RERE: variants seen among roughly 807,000 people sequenced by gnomAD.
The protein encoded by RERE is arginine-glutamic acid dipeptide repeats, also known as arginine-glutamic acid dipeptide repeats protein.
In RERE, 40 loss-of-function variants were observed where a neutral mutation model predicts 146.1. The observed-to-expected ratio is 0.27, with a 90% CI of 0.21 to 0.36. The LOEUF (loss-of-function observed/expected upper bound fraction) is 0.36. Among genes scored for constraint, RERE ranks in the 10% least tolerant of loss-of-function variants. The probability of loss-of-function intolerance (pLI) is 1.00; values close to 1 mark genes in which losing one functional copy is unlikely to be tolerated. For synonymous variants in RERE, 1,003 were observed against 866.0 expected (o/e 1.16, Z -2.78); for missense variants, 1,933 against 2,138.7 (o/e 0.90, Z 1.90).
intron 1 of RERE, among the ~76,000 whole-genome samples, chr1:8,781,356 C>CAA (rs55676461): frequency 0.21 from 26,887 of 128,760 alleles, 3,002 homozygotes; most frequent in Non-Finnish European, 0.26. Context: ...GACTCCGTCT[C>CAA]AAAAAAAAAA....
At chr1:8,430,288 C>G (rs1408425500) in intron 11 of RERE, among the ~76,000 whole-genome samples, 2 of 152,170 alleles carry the variant, frequency 1.3e-5, no homozygotes, top group South Asian at 2.1e-4. Flanking sequence ...AACCAATTTG[C>G]CTGGGAGGAG....
intron 1 of RERE, among the ~76,000 whole-genome samples, chr1:8,791,574 TCCTAGAAAATATGG>T (rs1476313304): frequency 6.6e-6 from 1 of 152,212 alleles, no homozygotes; most frequent in African/African-American, 2.4e-5. Flanking sequence ...GACAGCACCT[TCCTAGAAAATATGG>T]CCTGAAATTA....
At chr1:8,447,239 A>G (rs577718321) in intron 11 of RERE, among the ~76,000 whole-genome samples, 9 of 151,730 alleles carry the variant, frequency 5.9e-5, no homozygotes, top group Admixed American at 2.0e-4. Context: ...GGGTTAGAAC[A>G]TGCTCCTTTA....
intron 1 of RERE, among the ~76,000 whole-genome samples, chr1:8,735,637 T>C (rs772101086): frequency 2.6e-5 from 4 of 152,178 alleles, no homozygotes; most frequent in Non-Finnish European, 4.4e-5. Flanking sequence ...ATCCCCAGTG[T>C]TGGAGGTGGG....
intron 1 of RERE, among the ~76,000 whole-genome samples, chr1:8,738,730 TATA>T (rs929804976): frequency 2.6e-5 from 4 of 152,178 alleles, no homozygotes; most frequent in African/African-American, 9.7e-5. Flanking sequence ...ATATGAATAA[TATA>T]ATAATAAACT....
At chr1:8,711,156 C>CA (rs1639659099) in intron 1 of RERE, among the ~76,000 whole-genome samples, 9 of 16,866 alleles carry the variant, frequency 5.3e-4, no homozygotes, top group African/African-American at 3.1e-4. Flanking sequence ...GACTCTGTCT[C>CA]CAAAAAAAAA....
intron 2 of RERE, among the ~76,000 whole-genome samples, chr1:8,644,172 A>G (rs1311626353): frequency 2.6e-5 from 4 of 152,188 alleles, no homozygotes; most frequent in African/African-American, 9.7e-5. Context: ...TAGCCCCATC[A>G]TGTGCAGGCT....
intron 2 of RERE, among the ~76,000 whole-genome samples, chr1:8,649,072 G>A (rs1426902840): frequency 2.0e-5 from 3 of 151,996 alleles, no homozygotes; most frequent in South Asian, 2.1e-4. Flanking sequence ...ACTGAAAACA[G>A]TAGAAAGAAA....
At chr1:8,710,249 C>T (rs1639639454) in intron 1 of RERE, among the ~76,000 whole-genome samples, 1 of 152,204 alleles carries the variant, frequency 6.6e-6, no homozygotes, top group African/African-American at 2.4e-5. Flanking sequence ...AAATGTTCTT[C>T]CCCCTAAGTC....
Position 8,443,186 on chromosome 1 carries a change from G to A in RERE, c.1204-20379C>T, listed in dbSNP as rs150599182. On this transcript the variant is annotated intron_variant, in intron 11 of 22. Transcript: ENST00000400908. Reference sequence around the variant, plus strand: ...GCAAAGAAAGAAAAGCTTTTGGTTGGGCGTGGTGGCTCACGCCTGTAATCC... The same window carrying A: ...GCAAAGAAAGAAAAGCTTTTGGTTGAGCGTGGTGGCTCACGCCTGTAATCC... Among the ~76,000 whole-genome samples, 8 of 152,300 alleles carry A rather than the reference G, an allele frequency of 5.3e-5. No homozygotes were observed. In the East Asian group the frequency reaches 1.5e-3, roughly 29 times the overall value.
chr1:8,422,958 C>T lies in RERE; in HGVS notation c.1204-151G>A. On this transcript the variant is annotated intron_variant, in intron 11 of 22. Coordinates refer to ENST00000400908, the MANE Select transcript of RERE (RefSeq NM_001042681.2). ...AGGCTCGGAGAGTATGTCAGCAGCTCAGCTGGGACCCACTGGCCAGGGCAG... is the reference window on the plus strand; with the variant it reads ...AGGCTCGGAGAGTATGTCAGCAGCTTAGCTGGGACCCACTGGCCAGGGCAG... The T allele has an allele frequency of 6.4e-6, 4 of 628,980 alleles. No homozygotes were observed. In the South Asian group the frequency reaches 7.3e-5, roughly 11 times the overall value. 39.0% of individuals were successfully genotyped at this position (628,980 alleles called of 1,614,324 possible). A position where few individuals can be genotyped will look rare whatever the true frequency, so the allele number is the denominator to read the frequency against.
chr1:8,728,125 A>C (rs1357088759), intron 1 of RERE, among the ~76,000 whole-genome samples: 1 of 152,224 alleles, frequency 6.6e-6, no homozygotes, highest in African/African-American at 2.4e-5. Flanking sequence ...CAGAGCTCTA[A>C]AGGGATCTTA....
At chr1:8,580,782 G>A (rs1033586967) in intron 4 of RERE, among the ~76,000 whole-genome samples, 1 of 151,388 alleles carries the variant, frequency 6.6e-6, no homozygotes, top group Non-Finnish European at 1.5e-5. Context: ...GTGTGATCTC[G>A]GCTCACTGCA....
chr1:8,607,530 A>ATATATAT (rs1646732034), intron 4 of RERE, among the ~76,000 whole-genome samples: 1 of 57,596 alleles, frequency 1.7e-5, no homozygotes, highest in East Asian at 9.6e-4. Context: ...TTTTATATAT[A>ATATATAT]TTTCTTTTTT....
chr1:8,716,809 A>C (rs896762266), intron 1 of RERE, among the ~76,000 whole-genome samples: 1 of 152,100 alleles, frequency 6.6e-6, no homozygotes, highest in Non-Finnish European at 1.5e-5. Context: ...AGAATGGAAA[A>C]AAAGAAAAGG....
At position 8,814,122 on chromosome 1, in the gene RERE, AC is replaced by A. The variant is rs1455054844; in HGVS notation, c.-145+3037del. Among the ~76,000 whole-genome samples, 7 of 152,276 alleles carry A rather than the reference AC, an allele frequency of 4.6e-5. No individual in the cohort carries two copies. In the South Asian group the frequency reaches 1.2e-3, roughly 27 times the overall value. Reference sequence around the variant, plus strand: ...CCCACTGAGAAAATAATACATTTGAACTGTTCACATTTCATTGTAAAAGATA... The same window carrying A: ...CCCACTGAGAAAATAATACATTTGAATGTTCACATTTCATTGTAAAAGATA... On this transcript the variant is annotated intron_variant, in intron 1 of 22. Transcript: ENST00000400908.
At chr1:8,802,080 T>C (rs1641601114) in intron 1 of RERE, among the ~76,000 whole-genome samples, 1 of 152,232 alleles carries the variant, frequency 6.6e-6, no homozygotes, top group Non-Finnish European at 1.5e-5. Context: ...AATGAGTATA[T>C]ATTAATTTTA....
At chr1:8,422,673 G>A in intron 12 of RERE, 54 bp downstream of exon 12, 1 of 1,264,684 alleles carries the variant, frequency 7.9e-7, no homozygotes, top group Non-Finnish European at 1.2e-6. Flanking sequence ...ATGTGGAGAG[G>A]CAGCAGGAGC....
At chr1:8,782,268 C>A (rs759697499) in intron 1 of RERE, among the ~76,000 whole-genome samples, 3 of 152,182 alleles carry the variant, frequency 2.0e-5, no homozygotes, top group African/African-American at 4.8e-5. Context: ...TGCTTGAATA[C>A]GTTTTTCTCA....
Sources: gnomAD v4.1 joint callset for allele counts (sites outside exome capture counted in the v4.1 genomes callset) on GRCh38, gnomAD v4.1.1 for gene constraint, MANE v1.5 for transcripts, NCBI Gene and HGNC (gene_info 2026-07-23, HGNC 2026-07-21) for gene names.